Variants in FLRT2 observed in about 807,000 individuals in gnomAD.
FLRT2 encodes the protein fibronectin leucine rich transmembrane protein 2.
In FLRT2, 15 loss-of-function variants were observed where a neutral mutation model predicts 40.0. The ratio of observed to expected loss-of-function variants is 0.38; its 90% confidence interval spans 0.25 to 0.58. FLRT2 has a LOEUF of 0.58. Ranked by LOEUF, FLRT2 falls within the 20% of genes least tolerant of loss-of-function variation. FLRT2 has a pLI of 0.71. For missense variants in FLRT2, 726 were observed against 840.0 expected (o/e 0.86, Z 1.68); for synonymous variants, 380 against 336.8 (o/e 1.13, Z -1.41).
chr14:85,566,663 A>C (rs552162018), intron 1 of FLRT2, among the ~76,000 whole-genome samples: 7 of 151,994 alleles, frequency 4.6e-5, no homozygotes, highest in African/African-American at 1.7e-4. Context: ...ATCCAAATAC[A>C]TACGGTGGAA....
intron 1 of FLRT2, among the ~76,000 whole-genome samples, chr14:85,609,474 G>C (rs763153723): frequency 1.1e-4 from 17 of 152,206 alleles, no homozygotes; most frequent in Non-Finnish European, 2.1e-4. Context: ...AAACACTAGA[G>C]TCAGAGCGTA....
At chr14:85,572,751 C>T (rs1366378148) in intron 1 of FLRT2, among the ~76,000 whole-genome samples, 11 of 152,092 alleles carry the variant, frequency 7.2e-5, no homozygotes, top group African/African-American at 2.4e-4. Flanking sequence ...TTGTGCCCTG[C>T]TTGTGGAAGA....
chr14:85,546,061 G>A (rs956173287), intron 1 of FLRT2, among the ~76,000 whole-genome samples: 5 of 152,194 alleles, frequency 3.3e-5, no homozygotes, highest in African/African-American at 9.6e-5. Context: ...GCTCGGAAAG[G>A]CTTGTTCCAC....
intron 1 of FLRT2, among the ~76,000 whole-genome samples, chr14:85,539,739 C>T (rs1888874162): frequency 6.6e-6 from 1 of 152,132 alleles, no homozygotes; most frequent in Non-Finnish European, 1.5e-5. Context: ...TATAAAGAGG[C>T]ATTATTCAAA....
At chr14:85,601,201 C>A (rs1892365479) in intron 1 of FLRT2, among the ~76,000 whole-genome samples, 1 of 152,108 alleles carries the variant, frequency 6.6e-6, no homozygotes, top group Non-Finnish European at 1.5e-5. Flanking sequence ...GGAGATGCAG[C>A]ATGGAAGAAA....
At chr14:85,533,709 G>A (rs1338150864) in intron 1 of FLRT2, among the ~76,000 whole-genome samples, 1 of 152,008 alleles carries the variant, frequency 6.6e-6, no homozygotes, top group Admixed American at 6.5e-5. Flanking sequence ...CGGAGGACGG[G>A]GGAAGACGAT....
chr14:85,594,305 A>C (rs1256746727), intron 1 of FLRT2, among the ~76,000 whole-genome samples: 1 of 152,172 alleles, frequency 6.6e-6, no homozygotes, highest in Non-Finnish European at 1.5e-5. Flanking sequence ...GTAGGCCTTG[A>C]TCAGTATGGC....
chr14:85,652,127 AT>A lies in FLRT2; in HGVS notation c.*28632del, dbSNP rs1398281715. ...GTCTCCTTAGGAGGCAAAACAAAGT[AT>A]TATTAAAAGTATGTTTGATGTTGCT... On this transcript the variant is annotated 3_prime_UTR_variant, in exon 2 of 2. Transcript: ENST00000330753. 2 of 152,158 alleles carry A rather than the reference AT, an allele frequency of 1.3e-5. No homozygotes were observed. The highest frequency in any genetic ancestry group is 2.4e-5 in the African/African-American group (1 of 41,468). 9.4% of individuals were successfully genotyped at this position (152,158 alleles called of 1,614,324 possible).
At chr14:85,592,576 G>A (rs1891939549) in intron 1 of FLRT2, among the ~76,000 whole-genome samples, 1 of 152,024 alleles carries the variant, frequency 6.6e-6, no homozygotes, top group South Asian at 2.1e-4. Context: ...ATCACCTGAG[G>A]TCAGGAGTTT....
chr14:85,620,303 A>G (rs1280215199), intron 1 of FLRT2, among the ~76,000 whole-genome samples: 1 of 151,968 alleles, frequency 6.6e-6, no homozygotes, highest in East Asian at 1.9e-4. Context: ...TGGTCATGAC[A>G]TATGTTAGGT....
At chr14:85,542,787 C>A (rs896489385) in intron 1 of FLRT2, among the ~76,000 whole-genome samples, 1 of 152,158 alleles carries the variant, frequency 6.6e-6, no homozygotes, top group South Asian at 2.1e-4. Context: ...AGGAATGCCA[C>A]GCAGACATCC....
Position 85,636,409 on chromosome 14 carries a change from CAA to C in FLRT2, c.*12917_*12918del, listed in dbSNP as rs1251468574. Reference sequence around the variant, plus strand: ...CCTGCAGAAAAAAAAAAAAAAAAAACAAAAAACATTCTTATTAATCTTAACTA... The same window carrying C: ...CCTGCAGAAAAAAAAAAAAAAAAAACAAAACATTCTTATTAATCTTAACTA... On this transcript the variant is annotated 3_prime_UTR_variant, in exon 2 of 2. Transcript: ENST00000330753. 1.4e-4 allele frequency: 12 copies of C among 84,934 alleles called. No individual in the cohort carries two copies. The highest frequency in any genetic ancestry group is 3.0e-4 in the Non-Finnish European group (12 of 39,814). 5.3% of individuals were successfully genotyped at this position (84,934 alleles called of 1,614,324 possible).
rs970108376 is a variant in FLRT2 at position 85,629,223 on chromosome 14, G to A, written c.*5726G>A. 1.3e-5 allele frequency: 2 copies of A among 152,174 alleles called. No homozygotes were observed. Among genetic ancestry groups the A allele is most frequent in the African/African-American group, 4.8e-5 (2 of 41,458 alleles). The allele number at this position is 152,174 out of a possible 1,614,324, so 9.4% of individuals were successfully genotyped here. A position where few individuals can be genotyped will look rare whatever the true frequency, so the allele number is the denominator to read the frequency against. ...GGACATCTAAGGTGACAAAAGAGAT[G>A]TTTCTACCTGTTGGTAAGGTTGATG... On this transcript the variant is annotated 3_prime_UTR_variant, in exon 2 of 2. Coordinates refer to ENST00000330753, the MANE Select transcript of FLRT2 (RefSeq NM_013231.6).
At position 85,639,844 on chromosome 14, in the gene FLRT2, T is replaced by TA. The variant is rs1209794422; in HGVS notation, c.*16347_*16348insA. The TA allele has an allele frequency of 3.8e-5, 4 of 104,086 alleles. No individual in the cohort carries two copies. The highest frequency in any genetic ancestry group is 1.6e-4 in the African/African-American group (4 of 24,272). 6.4% of individuals were successfully genotyped at this position (104,086 alleles called of 1,614,324 possible). Reference sequence around the variant, plus strand: ...ACTAGCAGAAATTCTTTATTTTTTTTTTTTTCCTTTTTTTTTTTTTTTGAG... The same window carrying TA: ...ACTAGCAGAAATTCTTTATTTTTTTTATTTTTCCTTTTTTTTTTTTTTTGAG... On this transcript the variant is annotated 3_prime_UTR_variant, in exon 2 of 2. Transcript: ENST00000330753.
rs1400862891 is a variant in FLRT2, at chr14:85,622,358, G to T, written c.844G>T (p.Asp282Tyr). Residue 282 changes from aspartate to tyrosine, a missense_variant, in exon 2 of 2, where the codon GAT (aspartate) becomes TAT (tyrosine). Around this residue, in one of 3 missense-constraint regions of FLRT2, gnomAD observed 611 missense variants for 690.0 expected, o/e 0.89. Coordinates refer to ENST00000330753, the MANE Select transcript of FLRT2 (RefSeq NM_013231.6). ...AAATCTGCGTAAGCTGGAACGGCTG[G>T]ATATATCCAACAACCAACTGCGGAT... ...FSNLRKLERLDISNNQLRMLT... is the reference protein window; with the variant it reads ...FSNLRKLERLYISNNQLRMLT... 6.2e-7 allele frequency: 1 copy of T among 1,614,126 alleles called. No individual in the cohort carries two copies. The highest frequency in any genetic ancestry group is 8.5e-7 in the Non-Finnish European group (1 of 1,180,018).
Position 85,623,589 on chromosome 14 carries a change from A to G in FLRT2, c.*92A>G. The G allele has an allele frequency of 1.9e-6, 2 of 1,040,040 alleles. No homozygotes were observed. Among genetic ancestry groups the G allele is most frequent in the Non-Finnish European group, 2.6e-6 (2 of 763,066 alleles). 64.4% of individuals were successfully genotyped at this position (1,040,040 alleles called of 1,614,324 possible). A position where few individuals can be genotyped will look rare whatever the true frequency, so the allele number is the denominator to read the frequency against. On this transcript the variant is annotated 3_prime_UTR_variant, in exon 2 of 2. Coordinates refer to ENST00000330753, the MANE Select transcript of FLRT2 (RefSeq NM_013231.6). Reference sequence around the variant, plus strand: ...TAAAGACACGCAGATTACATTTGATAAATGTTACACAGATGCATTTGTGCA... The same window carrying G: ...TAAAGACACGCAGATTACATTTGATGAATGTTACACAGATGCATTTGTGCA...
At chr14:85,532,476 C>G (rs923263395) in intron 1 of FLRT2, among the ~76,000 whole-genome samples, 1 of 152,192 alleles carries the variant, frequency 6.6e-6, no homozygotes, top group Non-Finnish European at 1.5e-5. Context: ...TACCCTTTAA[C>G]CTTTGGAAAG....
At chr14:85,535,910 T>G (rs1297096416) in intron 1 of FLRT2, among the ~76,000 whole-genome samples, 16 of 81,616 alleles carry the variant, frequency 2.0e-4, no homozygotes, top group South Asian at 4.7e-4. Flanking sequence ...TTTTTTTTTT[T>G]TTTTTTTTTT....
In FLRT2 at chr14:85,645,000, T is replaced by G. The variant is rs1894257059; in HGVS notation, c.*21503T>G. ...TCCTTGTGAGGGACAGTTCTTGTCT[T>G]GCTAATAGAAATAGATGCCGAAAGA... On this transcript the variant is annotated 3_prime_UTR_variant, in exon 2 of 2. Transcript: ENST00000330753. 1 of 152,160 alleles carries G rather than the reference T, an allele frequency of 6.6e-6. No homozygotes were observed. 9.4% of individuals were successfully genotyped at this position (152,160 alleles called of 1,614,324 possible). A position where few individuals can be genotyped will look rare whatever the true frequency, so the allele number is the denominator to read the frequency against.
Sources: allele counts gnomAD v4.1 joint callset (sites outside exome capture counted in the v4.1 genomes callset), GRCh38; gene constraint gnomAD v4.1.1; regional missense constraint gnomAD v4.1.1; transcripts MANE v1.5; gene names NCBI Gene and HGNC (gene_info 2026-07-23, HGNC 2026-07-21).